Variants in SIAH3 observed in about 807,000 individuals in gnomAD.
SIAH3 encodes the protein seven in absentia homolog 3.
In SIAH3, 9 loss-of-function variants were observed where a neutral mutation model predicts 12.6. The ratio of observed to expected loss-of-function variants is 0.72; its 90% CI spans 0.43 to 1.25. The LOEUF (loss-of-function observed/expected upper bound fraction) is 1.25, where lower values mean the gene tolerates loss of function less well. SIAH3 is among the 50% of genes most tolerant of loss of function. The probability of loss-of-function intolerance (pLI) is 0.00; values close to 1 mark genes in which losing one functional copy is unlikely to be tolerated. For synonymous variants in SIAH3, 154 were observed against 151.1 expected (o/e 1.02, Z -0.14); for missense variants, 390 against 365.4 (o/e 1.07, Z -0.55).
At chr13:45,793,572 G>A (rs557206447) in intron 1 of SIAH3, among the ~76,000 whole-genome samples, 111 of 152,270 alleles carry the variant, frequency 7.3e-4, no homozygotes, top group Non-Finnish European at 1.4e-3. Flanking sequence ...CACTGTATCC[G>A]AAGTGTCAGC....
chr13:45,795,535 A>C (rs1221047835), intron 1 of SIAH3, among the ~76,000 whole-genome samples: 3 of 152,242 alleles, frequency 2.0e-5, no homozygotes, highest in African/African-American at 7.2e-5. Flanking sequence ...TCACATAAAG[A>C]GTATACTGCT....
chr13:45,837,879 G>C (rs1593388067), intron 1 of SIAH3, among the ~76,000 whole-genome samples: 3 of 152,318 alleles, frequency 2.0e-5, no homozygotes, highest in Admixed American at 2.0e-4. Context: ...TTTCCAACAT[G>C]TTGAGAAGTG....
At chr13:45,822,484 A>G (rs1950659036) in intron 1 of SIAH3, among the ~76,000 whole-genome samples, 1 of 142,990 alleles carries the variant, frequency 7.0e-6, no homozygotes, top group Non-Finnish European at 1.5e-5. Flanking sequence ...TGAGTGATCA[A>G]TGCTGTGAAG....
chr13:45,799,809 C>G (rs919842535), intron 1 of SIAH3, among the ~76,000 whole-genome samples: 1 of 152,236 alleles, frequency 6.6e-6, no homozygotes, highest in Admixed American at 6.5e-5. Context: ...CCAGCTTGCT[C>G]ATTTAGTTAG....
intron 1 of SIAH3, among the ~76,000 whole-genome samples, chr13:45,789,567 T>G (rs1392225042): frequency 6.6e-6 from 1 of 152,048 alleles, no homozygotes; most frequent in Non-Finnish European, 1.5e-5. Context: ...CTACCATACC[T>G]GGCTAATTTT....
At chr13:45,823,393 C>T (rs946861639) in intron 1 of SIAH3, among the ~76,000 whole-genome samples, 1 of 152,214 alleles carries the variant, frequency 6.6e-6, no homozygotes, top group South Asian at 2.1e-4. Flanking sequence ...TCAGCTGATC[C>T]TCAGAACCAC....
chr13:45,809,350 T>C lies in SIAH3; in HGVS notation c.136-25293A>G, dbSNP rs191640911. ...CTAGACATGTTTTTGTGTCCACAAA[T>C]CTGCAGAATCAGAATCTCTGGACAT... On this transcript the variant is annotated intron_variant, in intron 1 of 1. Transcript: ENST00000400405. Among the ~76,000 whole-genome samples the C allele has an allele frequency of 4.6e-5, 7 of 152,272 alleles. No homozygotes were observed. In the East Asian group the frequency reaches 1.4e-3, roughly 29 times the overall value.
intron 1 of SIAH3, among the ~76,000 whole-genome samples, chr13:45,842,710 G>A (rs149577925): frequency 6.6e-6 from 1 of 152,154 alleles, no homozygotes; most frequent in African/African-American, 2.4e-5. Context: ...GCAGACTCTG[G>A]GAGGCCAAAG....
At chr13:45,833,441 T>A (rs957681245) in intron 1 of SIAH3, among the ~76,000 whole-genome samples, 13 of 151,982 alleles carry the variant, frequency 8.6e-5, no homozygotes, top group African/African-American at 3.1e-4. Context: ...TTATTCTACA[T>A]GGCGCTCATA....
intron 1 of SIAH3, among the ~76,000 whole-genome samples, chr13:45,793,732 A>G (rs999063511): frequency 5.3e-5 from 8 of 152,186 alleles, no homozygotes; most frequent in South Asian, 2.1e-4. Flanking sequence ...GGGCTACACA[A>G]TAGCCTTCTA....
intron 1 of SIAH3, among the ~76,000 whole-genome samples, chr13:45,845,752 A>G (rs1037262298): frequency 2.0e-5 from 3 of 152,050 alleles, no homozygotes; most frequent in Non-Finnish European, 4.4e-5. Flanking sequence ...TGGGACTTTC[A>G]TCTTTCCCAA....
intron 1 of SIAH3, among the ~76,000 whole-genome samples, chr13:45,790,919 T>C (rs1396886284): frequency 6.6e-6 from 1 of 152,212 alleles, no homozygotes; most frequent in Non-Finnish European, 1.5e-5. Flanking sequence ...CAGAGGCTCA[T>C]GTCTGTACTC....
At chr13:45,833,074 G>C (rs781072043) in intron 1 of SIAH3, among the ~76,000 whole-genome samples, 1 of 152,142 alleles carries the variant, frequency 6.6e-6, no homozygotes, top group Non-Finnish European at 1.5e-5. Flanking sequence ...ATAGGAACTG[G>C]GAAAGAGGTG....
intron 1 of SIAH3, 28 bp from the exon 2 acceptor site, chr13:45,784,085 C>G (rs1428193073): frequency 3.2e-5 from 50 of 1,540,240 alleles, no homozygotes; most frequent in Non-Finnish European, 4.3e-5. Context: ...AACGTCAGTG[C>G]GGGGATGAGG....
chr13:45,807,652 A>C (rs907510587), intron 1 of SIAH3, among the ~76,000 whole-genome samples: 2 of 152,196 alleles, frequency 1.3e-5, no homozygotes, highest in Non-Finnish European at 2.9e-5. Flanking sequence ...GACTCAGTGT[A>C]AAAAAGTCAG....
intron 1 of SIAH3, among the ~76,000 whole-genome samples, chr13:45,827,493 T>C (rs1360242122): frequency 6.6e-6 from 1 of 152,160 alleles, no homozygotes; most frequent in African/African-American, 2.4e-5. Context: ...TTCTAACTAA[T>C]ATGGAACTCT....
At chr13:45,792,322 A>T (rs9590926) in intron 1 of SIAH3, among the ~76,000 whole-genome samples, 41,389 of 151,680 alleles carry the variant, frequency 0.27, 6,427 homozygotes, top group Non-Finnish European at 0.36. Flanking sequence ...GGTTGCTACC[A>T]GGGAGCTGCC....
intron 1 of SIAH3, among the ~76,000 whole-genome samples, chr13:45,792,984 G>T (rs957135518): frequency 2.0e-5 from 3 of 152,142 alleles, no homozygotes; most frequent in African/African-American, 7.2e-5. Context: ...TGAAACCTGG[G>T]GCCTGAGTGA....
intron 1 of SIAH3, among the ~76,000 whole-genome samples, chr13:45,830,959 A>C (rs1593386285): frequency 6.6e-6 from 1 of 152,096 alleles, no homozygotes; most frequent in Non-Finnish European, 1.5e-5. Flanking sequence ...CAGGCGGATC[A>C]CCTGAGGTTA....
Sources: allele counts gnomAD v4.1 joint callset (sites outside exome capture counted in the v4.1 genomes callset), GRCh38; gene constraint gnomAD v4.1.1; transcripts MANE v1.5; gene names NCBI Gene and HGNC (gene_info 2026-07-23, HGNC 2026-07-21).